KCNIP4: variants seen among roughly 807,000 people sequenced by gnomAD.
The protein encoded by KCNIP4 is potassium voltage-gated channel interacting protein 4.
A neutral mutation model predicts 34.0 loss-of-function variants in KCNIP4; 12 were observed. The observed-to-expected ratio is 0.35, with a 90% CI of 0.23 to 0.57. The LOEUF (loss-of-function observed/expected upper bound fraction) is 0.57, where lower values mean the gene tolerates loss of function less well. Ranked by LOEUF, KCNIP4 falls within the 20% of genes least tolerant of loss-of-function variation. The pLI, the probability that KCNIP4 is intolerant of heterozygous loss-of-function variation, is 0.83. For synonymous variants in KCNIP4, 124 were observed against 102.2 expected (o/e 1.21, Z -1.29); for missense variants, 238 against 311.7 (o/e 0.76, Z 1.78).
At chr4:21,313,551 A>G (rs1713412995) in intron 1 of KCNIP4, among the ~76,000 whole-genome samples, 1 of 152,226 alleles carries the variant, frequency 6.6e-6, no homozygotes, top group East Asian at 1.9e-4. Context: ...GTTAAACTAG[A>G]ATCGAATTAT....
In KCNIP4 at chr4:20,730,056, G is replaced by C. The variant is rs377682600; in HGVS notation, c.*26C>G. Reference sequence around the variant, plus strand: ...GTGGTAGAATAGTTCACATTTGTCTGTTGGATTCAGGATCTATTTGACAAG... The same window carrying C: ...GTGGTAGAATAGTTCACATTTGTCTCTTGGATTCAGGATCTATTTGACAAG... On this transcript the variant is annotated 3_prime_UTR_variant, in exon 9 of 9. Transcript: ENST00000382152. The C allele has an allele frequency of 6.2e-7, 1 of 1,601,054 alleles. No homozygotes were observed. Among genetic ancestry groups the C allele is most frequent in the Non-Finnish European group, 8.5e-7 (1 of 1,175,402 alleles).
chr4:20,731,274 A>C (rs1748122021), intron 8 of KCNIP4: 1 of 434,466 alleles, frequency 2.3e-6, no homozygotes, highest in Admixed American at 6.4e-5. Context: ...GGGTCTTGCT[A>C]TGTTGCCCAC....
chr4:21,726,563 C>T (rs1292646850), intron 1 of KCNIP4, among the ~76,000 whole-genome samples: 1 of 152,100 alleles, frequency 6.6e-6, no homozygotes, highest in Non-Finnish European at 1.5e-5. Flanking sequence ...TCATTTAGGC[C>T]AGCAACAATT....
Position 21,771,046 on chromosome 4 carries a change from G to T in KCNIP4, c.61+177525C>A, listed in dbSNP as rs569686679. The stretch of plus-strand genomic sequence containing the variant: ...CTGTGTCCCAAATGATATTGCCTAG[G>T]TTTTCTTCTAGGGATCTTATGGTTT... On this transcript the variant is annotated intron_variant, in intron 1 of 8. Transcript: ENST00000382152. Among the ~76,000 whole-genome samples the T allele has an allele frequency of 4.6e-5, 7 of 152,228 alleles. No individual in the cohort carries two copies. In the South Asian group the frequency reaches 1.0e-3, roughly 23 times the overall value.
chr4:21,000,279 G>T (rs527685286), intron 1 of KCNIP4, among the ~76,000 whole-genome samples: 2 of 152,096 alleles, frequency 1.3e-5, no homozygotes, highest in South Asian at 2.1e-4. Context: ...CTCAGCCGCT[G>T]CCCTTGTCTC....
At position 21,926,531 on chromosome 4, in the gene KCNIP4, T is replaced by C. The variant is rs548691685; in HGVS notation, c.61+22040A>G. Among the ~76,000 whole-genome samples, 5 of 152,282 alleles carry C rather than the reference T, an allele frequency of 3.3e-5. No homozygotes were observed. The East Asian group carries it at 9.7e-4, about 29-fold the overall frequency. On this transcript the variant is annotated intron_variant, in intron 1 of 8. Transcript: ENST00000382152. Reference sequence around the variant, plus strand: ...CCATGACCATTTGTTAAGTGGGCCTTGTGTGCCAGTCTCCAGGATAGGCAC... The same window carrying C: ...CCATGACCATTTGTTAAGTGGGCCTCGTGTGCCAGTCTCCAGGATAGGCAC...
intron 5 of KCNIP4, among the ~76,000 whole-genome samples, chr4:20,736,113 G>C (rs893590335): frequency 6.6e-6 from 1 of 151,952 alleles, no homozygotes; most frequent in African/African-American, 2.4e-5. Context: ...TCCCTTCCTG[G>C]ACCCAGCCAC....
chr4:20,992,248 G>A (rs1287887446), intron 1 of KCNIP4, among the ~76,000 whole-genome samples: 1 of 152,134 alleles, frequency 6.6e-6, no homozygotes, highest in African/African-American at 2.4e-5. Flanking sequence ...GGGCAAAGGA[G>A]AAGCAGGCAC....
intron 1 of KCNIP4, among the ~76,000 whole-genome samples, chr4:21,466,755 T>C (rs1263345424): frequency 6.6e-6 from 1 of 152,106 alleles, no homozygotes; most frequent in African/African-American, 2.4e-5. Flanking sequence ...ATGTAATATA[T>C]AGAAAATCAA....
At chr4:21,418,279 G>T (rs1429920344) in intron 1 of KCNIP4, among the ~76,000 whole-genome samples, 1 of 152,052 alleles carries the variant, frequency 6.6e-6, no homozygotes, top group Non-Finnish European at 1.5e-5. Flanking sequence ...CACCTCCCGG[G>T]CAGTGCAGTA....
intron 1 of KCNIP4, among the ~76,000 whole-genome samples, chr4:20,913,277 C>T (rs998779772): frequency 2.6e-5 from 4 of 151,850 alleles, no homozygotes; most frequent in Non-Finnish European, 2.9e-5. Flanking sequence ...AAAAGAAGTC[C>T]GACTCAAAAT....
At chr4:21,625,077 A>G (rs908584240) in intron 1 of KCNIP4, among the ~76,000 whole-genome samples, 5 of 152,060 alleles carry the variant, frequency 3.3e-5, no homozygotes, top group African/African-American at 1.2e-4. Context: ...TTTCAGGGAC[A>G]AACTGAATAT....
intron 3 of KCNIP4, among the ~76,000 whole-genome samples, chr4:20,787,147 T>C (rs1452931535): frequency 1.3e-5 from 2 of 152,162 alleles, no homozygotes; most frequent in African/African-American, 4.8e-5. Flanking sequence ...ACAGTTTAGA[T>C]ACAAATAACT....
intron 1 of KCNIP4, among the ~76,000 whole-genome samples, chr4:21,416,550 T>C (rs1724969711): frequency 6.6e-6 from 1 of 152,188 alleles, no homozygotes. Context: ...GTCTTCTTCA[T>C]AGTTAACCAT....
chr4:21,094,811 G>T (rs932386672), intron 1 of KCNIP4, among the ~76,000 whole-genome samples: 7 of 152,240 alleles, frequency 4.6e-5, no homozygotes, highest in Admixed American at 1.3e-4. Flanking sequence ...AACATTCTGA[G>T]AACTGAAGCC....
chr4:21,124,998 G>A (rs931452038), intron 1 of KCNIP4, among the ~76,000 whole-genome samples: 1 of 151,222 alleles, frequency 6.6e-6, no homozygotes, highest in Non-Finnish European at 1.5e-5. Context: ...GGTGAAGTCA[G>A]CCCCACTTGG....
At chr4:20,834,781 G>A (rs778509894) in intron 3 of KCNIP4, among the ~76,000 whole-genome samples, 22 of 152,180 alleles carry the variant, frequency 1.4e-4, no homozygotes, top group Non-Finnish European at 2.6e-4. Flanking sequence ...CTGCTTCTCT[G>A]CAGGTGCCAG....
intron 1 of KCNIP4, among the ~76,000 whole-genome samples, chr4:21,278,707 C>T (rs1438912564): frequency 6.6e-6 from 1 of 152,016 alleles, no homozygotes; most frequent in Non-Finnish European, 1.5e-5. Context: ...GAACAGCTGC[C>T]AATGGCAACA....
intron 1 of KCNIP4, among the ~76,000 whole-genome samples, chr4:21,390,282 G>T (rs1052129007): frequency 2.6e-5 from 4 of 152,218 alleles, no homozygotes; most frequent in South Asian, 2.1e-4. Context: ...GGTTTCTTTT[G>T]CTGTGCAGAA....
Sources: gnomAD v4.1 joint callset for allele counts (sites outside exome capture counted in the v4.1 genomes callset) on GRCh38, gnomAD v4.1.1 for gene constraint, MANE v1.5 for transcripts, NCBI Gene and HGNC (gene_info 2026-07-23, HGNC 2026-07-21) for gene names.